The following SVEP1 variants were observed in gnomAD, a reference collection of about 807,000 sequenced individuals.
SVEP1 encodes sushi, von Willebrand factor type A, EGF and pentraxin domain containing 1, also known as sushi, von Willebrand factor type A, EGF and pentraxin domain-containing protein 1.
A neutral mutation model predicts 367.3 loss-of-function variants in SVEP1; 164 were observed. That is an observed-to-expected ratio of 0.45 (90% CI 0.39 to 0.51). The LOEUF is 0.51. Among genes scored for constraint, SVEP1 ranks in the 20% least tolerant of loss-of-function variants. SVEP1 has a pLI of 0.00. For missense variants in SVEP1, 4,117 were observed against 4,425.3 expected (o/e 0.93, Z 1.98); for synonymous variants, 1,666 against 1,611.6 (o/e 1.03, Z -0.81).
At chr9:110,434,936 A>G (rs549785193) in intron 29 of SVEP1, among the ~76,000 whole-genome samples, 172 of 152,188 alleles carry the variant, frequency 1.1e-3, no homozygotes, top group South Asian at 2.3e-3. Flanking sequence ...ACCCCATCTC[A>G]AACAGGTGCA....
At chr9:110,394,073 T>G (rs1439955711) in intron 40 of SVEP1, among the ~76,000 whole-genome samples, 1 of 152,222 alleles carries the variant, frequency 6.6e-6, no homozygotes, top group Non-Finnish European at 1.5e-5. Context: ...AGTGGGTCCC[T>G]GACCCCCGAG....
In SVEP1 at chr9:110,423,686, A is replaced by G. The variant is rs193221338; in HGVS notation, c.5975+3905T>C. Among the ~76,000 whole-genome samples the G allele has an allele frequency of 4.9e-3, 746 of 152,304 alleles. 7 individuals are homozygous for G. The highest frequency in any genetic ancestry group is 0.017 in the African/African-American group (701 of 41,574). ...TGGGTATATTAAAATAAAAAATTCTATAACAAAAGGCACCATAGAGTAAAA... is the reference window on the plus strand; with the variant it reads ...TGGGTATATTAAAATAAAAAATTCTGTAACAAAAGGCACCATAGAGTAAAA... On this transcript the variant is annotated intron_variant, in intron 36 of 47. Coordinates refer to ENST00000374469, the MANE Select transcript of SVEP1 (RefSeq NM_153366.4).
intron 40 of SVEP1, among the ~76,000 whole-genome samples, chr9:110,390,694 G>A (rs1426620166): frequency 6.6e-6 from 1 of 151,814 alleles, no homozygotes; most frequent in Non-Finnish European, 1.5e-5. Flanking sequence ...AGTCCTGGCT[G>A]CACACACGAA....
intron 13 of SVEP1, among the ~76,000 whole-genome samples, chr9:110,476,844 G>T (rs1045592710): frequency 2.6e-5 from 4 of 152,124 alleles, no homozygotes; most frequent in Non-Finnish European, 5.9e-5. Flanking sequence ...GAAGGTGGAG[G>T]AAGGTCCTTC....
At chr9:110,486,958 CTCTG>C (rs1829288522) in intron 9 of SVEP1, among the ~76,000 whole-genome samples, 2 of 150,482 alleles carry the variant, frequency 1.3e-5, no homozygotes, top group South Asian at 4.2e-4. Context: ...CTCTCTCTCT[CTCTG>C]TCTCTCTCTT....
At chr9:110,511,932 C>T (rs1829724312) in intron 5 of SVEP1, among the ~76,000 whole-genome samples, 1 of 151,892 alleles carries the variant, frequency 6.6e-6, no homozygotes, top group Non-Finnish European at 1.5e-5. Context: ...AGTGTTCTGC[C>T]AAAAAATGAC....
intron 36 of SVEP1, 88 bp from the exon 37 acceptor site, chr9:110,411,823 C>G (rs1828049267): frequency 8.3e-7 from 1 of 1,209,148 alleles, no homozygotes; most frequent in Non-Finnish European, 1.1e-6. Context: ...AAATCTTTCC[C>G]ACAATGACTT....
At chr9:110,447,203 T>C in intron 24 of SVEP1, 146 bp from the exon 25 acceptor site, 1 of 704,326 alleles carries the variant, frequency 1.4e-6, no homozygotes, top group Admixed American at 4.1e-5. Context: ...AGGTTACTTT[T>C]TCCAGTTCAC....
intron 3 of SVEP1, among the ~76,000 whole-genome samples, chr9:110,528,074 G>GTC: frequency 7.4e-6 from 1 of 136,014 alleles, no homozygotes; most frequent in Middle Eastern, 3.9e-3. Flanking sequence ...CATGGTGTAT[G>GTC]TATATATATA....
At chr9:110,578,932 C>A in intron 1 of SVEP1, 81 bp downstream of exon 1, 1 of 1,482,130 alleles carries the variant, frequency 6.7e-7, no homozygotes, top group Non-Finnish European at 9.0e-7. Flanking sequence ...AGGACTGAAC[C>A]CCGGGATAGA....
At position 110,407,576 on chromosome 9, in the gene SVEP1, A is replaced by G. The variant is rs763431035; in HGVS notation, c.8024T>C (p.Phe2675Ser). 1 of 1,613,854 alleles carries G rather than the reference A, an allele frequency of 6.2e-7. No individual in the cohort carries two copies. The highest frequency in any genetic ancestry group is 8.5e-7 in the Non-Finnish European group (1 of 1,179,878). The change falls in exon 38 of 48, where the codon TTT (phenylalanine) becomes TCT (serine). Residue 2675 changes from phenylalanine (F) to serine (S), a missense_variant. Physicochemically the swap from Phe to Ser is radical, Grantham distance 155. Transcript: ENST00000374469. ...GTATGAAACCATGGTACCATACAGA[A>G]AGTTTGATGAATGTGTAGCAGGAGA... ...KESPATHSSN[F>S]LYGTMVSYTC...
At chr9:110,378,220 T>C (rs930653995) in intron 44 of SVEP1, among the ~76,000 whole-genome samples, 1 of 152,190 alleles carries the variant, frequency 6.6e-6, no homozygotes, top group East Asian at 1.9e-4. Flanking sequence ...CAACACTCAT[T>C]CTGACTTTAG....
intron 1 of SVEP1, among the ~76,000 whole-genome samples, chr9:110,571,985 G>A (rs1480707828): frequency 4.6e-5 from 7 of 152,160 alleles, no homozygotes; most frequent in African/African-American, 7.2e-5. Context: ...TACAGCCATC[G>A]TTTACATTCT....
At chr9:110,555,028 T>C (rs574143597) in intron 1 of SVEP1, among the ~76,000 whole-genome samples, 17 of 152,170 alleles carry the variant, frequency 1.1e-4, no homozygotes, top group Non-Finnish European at 2.2e-4. Context: ...TACACCATCC[T>C]TGCTCTTTAC....
chr9:110,540,324 C>G (rs1335816882), intron 3 of SVEP1, among the ~76,000 whole-genome samples: 1 of 151,922 alleles, frequency 6.6e-6, no homozygotes, highest in Non-Finnish European at 1.5e-5. Flanking sequence ...ATAACTAAAC[C>G]CAGAATAATA....
chr9:110,446,334 C>T (rs1461025785), intron 25 of SVEP1, among the ~76,000 whole-genome samples: 1 of 152,142 alleles, frequency 6.6e-6, no homozygotes, highest in Non-Finnish European at 1.5e-5. Context: ...GATACTAAAG[C>T]ATGTCTGTAT....
intron 7 of SVEP1, among the ~76,000 whole-genome samples, chr9:110,497,451 C>A (rs1263560424): frequency 6.6e-6 from 1 of 152,154 alleles, no homozygotes; most frequent in Non-Finnish European, 1.5e-5. Context: ...TTTTCTCCCC[C>A]AATAGAATTT....
intron 14 of SVEP1, among the ~76,000 whole-genome samples, chr9:110,474,834 T>G (rs1311390622): frequency 1.3e-5 from 2 of 152,214 alleles, no homozygotes; most frequent in Non-Finnish European, 2.9e-5. Context: ...AACTGATCGA[T>G]GGGATAATAT....
intron 3 of SVEP1, among the ~76,000 whole-genome samples, chr9:110,517,056 CT>C: frequency 6.6e-6 from 1 of 152,232 alleles, no homozygotes; most frequent in East Asian, 1.9e-4. Flanking sequence ...AGATACATAG[CT>C]TTGTGAAAAA....
Sources: allele counts gnomAD v4.1 joint callset (sites outside exome capture counted in the v4.1 genomes callset), GRCh38; gene constraint gnomAD v4.1.1; transcripts MANE v1.5; gene names NCBI Gene and HGNC (gene_info 2026-07-23, HGNC 2026-07-21).